BABAM2: variants seen among roughly 807,000 people sequenced by gnomAD.
BABAM2 encodes the protein BRISC and BRCA1 A complex member 2.
In BABAM2, 31 loss-of-function variants were observed where a neutral mutation model predicts 54.7. The observed-to-expected ratio is 0.57, with a 90% confidence interval of 0.43 to 0.77. BABAM2 has a LOEUF of 0.77. BABAM2 is among the 30% of genes least tolerant of loss of function. BABAM2 has a pLI of 0.00. For synonymous variants in BABAM2, 167 were observed against 162.9 expected, an observed-to-expected ratio of 1.03 and a Z score of -0.19; for missense variants, 364 against 455.8, an observed-to-expected ratio of 0.80 and a Z score of 1.83.
intron 6 of BABAM2, among the ~76,000 whole-genome samples, chr2:28,057,110 T>C (rs1678490937): frequency 6.6e-6 from 1 of 152,228 alleles, no homozygotes; most frequent in Non-Finnish European, 1.5e-5. Context: ...TCCTTCTCCA[T>C]CTTCATACTT....
chr2:28,043,289 C>T (rs1321948577), intron 5 of BABAM2, among the ~76,000 whole-genome samples: 1 of 151,804 alleles, frequency 6.6e-6, no homozygotes, highest in Non-Finnish European at 1.5e-5. Context: ...TGCCACCATG[C>T]CTGGCTAATT....
chr2:28,017,283 T>C, intron 4 of BABAM2, among the ~76,000 whole-genome samples: 1 of 152,252 alleles, frequency 6.6e-6, no homozygotes, highest in Admixed American at 6.5e-5. Context: ...TTATCCTTGG[T>C]ATTCTGCAGA....
In BABAM2 at chr2:27,909,121, T is replaced by G. The variant is rs151102944; in HGVS notation, c.128+14437T>G. Among the ~76,000 whole-genome samples, 962 of 152,160 alleles carry G rather than the reference T, an allele frequency of 6.3e-3. 7 individuals are homozygous for G. Among genetic ancestry groups the G allele is most frequent in the Non-Finnish European group, 7.9e-3 (535 of 67,974 alleles). On this transcript the variant is annotated intron_variant, in intron 2 of 11. Coordinates refer to ENST00000379624, the MANE Select transcript of BABAM2 (RefSeq NM_199191.3). ...GCAGTGGGGCAATCACAGCTCACTGTGCAGCCTCCACCTCCTGGGCTCAAG... is the reference window on the plus strand; with the variant it reads ...GCAGTGGGGCAATCACAGCTCACTGGGCAGCCTCCACCTCCTGGGCTCAAG...
intron 11 of BABAM2, among the ~76,000 whole-genome samples, chr2:28,332,283 G>A (rs1228985094): frequency 2.6e-5 from 4 of 152,164 alleles, no homozygotes; most frequent in South Asian, 4.1e-4. Context: ...CGTCCTGCAC[G>A]TGGATCCCGG....
At chr2:28,034,221 A>T (rs1676498667) in intron 5 of BABAM2, among the ~76,000 whole-genome samples, 1 of 152,142 alleles carries the variant, frequency 6.6e-6, no homozygotes, top group African/African-American at 2.4e-5. Context: ...TGTGTTGGAG[A>T]GGGAGAGTGA....
intron 6 of BABAM2, among the ~76,000 whole-genome samples, chr2:28,101,097 C>A (rs938245512): frequency 6.6e-6 from 1 of 152,204 alleles, no homozygotes; most frequent in Non-Finnish European, 1.5e-5. Flanking sequence ...ATTACTGATA[C>A]AGCAGTTTTA....
chr2:28,136,479 G>A (rs1670551456), intron 7 of BABAM2, among the ~76,000 whole-genome samples: 1 of 152,238 alleles, frequency 6.6e-6, no homozygotes, highest in Admixed American at 6.5e-5. Flanking sequence ...GACAGGTCTG[G>A]CTGGAGAGGC....
At chr2:27,922,361 T>C (rs868395290) in intron 2 of BABAM2, among the ~76,000 whole-genome samples, 6 of 152,158 alleles carry the variant, frequency 3.9e-5, no homozygotes, top group Middle Eastern at 6.3e-3. Context: ...CAAATAATAC[T>C]GGGAGTCATG....
intron 4 of BABAM2, among the ~76,000 whole-genome samples, chr2:27,997,006 AG>A (rs1673196910): frequency 6.6e-6 from 1 of 152,178 alleles, no homozygotes; most frequent in Non-Finnish European, 1.5e-5. Flanking sequence ...TTACTTTCAA[AG>A]CAAAAGTACA....
At chr2:28,112,361 C>T (rs1668210631) in intron 6 of BABAM2, among the ~76,000 whole-genome samples, 1 of 151,430 alleles carries the variant, frequency 6.6e-6, no homozygotes. Context: ...TCCCCTAGCC[C>T]CCTACCCCCT....
At chr2:27,902,563 T>C (rs1428313735) in intron 2 of BABAM2, among the ~76,000 whole-genome samples, 1 of 152,234 alleles carries the variant, frequency 6.6e-6, no homozygotes, top group African/African-American at 2.4e-5. Context: ...GTCAAACTTA[T>C]ATTTTTGCCA....
chr2:28,025,529 G>A, intron 5 of BABAM2, 109 bp downstream of exon 5: 1 of 1,083,986 alleles, frequency 9.2e-7, no homozygotes, highest in South Asian at 2.0e-5. Flanking sequence ...ACATGGTCCA[G>A]GTAGCCTATA....
rs565967973 is a variant in BABAM2, at chr2:28,024,382, G to A, written c.301-844G>A. 3.9e-5 allele frequency among the ~76,000 whole-genome samples: 6 copies of A among 151,972 alleles called. No homozygotes were observed. The East Asian group carries it at 1.2e-3, about 29-fold the overall frequency. ...GATCGCACCACTGCACTCCAGCCTG[G>A]GCGACAGAGCGAGACTCCATCTCAA... On this transcript the variant is annotated intron_variant, in intron 4 of 11. Coordinates refer to ENST00000379624, the MANE Select transcript of BABAM2 (RefSeq NM_199191.3).
intron 6 of BABAM2, among the ~76,000 whole-genome samples, chr2:28,099,355 G>A (rs892918176): frequency 1.3e-5 from 2 of 152,070 alleles, no homozygotes; most frequent in East Asian, 3.9e-4. Context: ...ACACCCCGAG[G>A]CCTCTTGGGG....
chr2:28,189,540 A>G (rs942045151), intron 7 of BABAM2, among the ~76,000 whole-genome samples: 2 of 152,218 alleles, frequency 1.3e-5, no homozygotes, highest in Non-Finnish European at 2.9e-5. Flanking sequence ...CATTTAAAAT[A>G]GCATCAAAAA....
intron 10 of BABAM2, among the ~76,000 whole-genome samples, chr2:28,271,730 A>G (rs770338483): frequency 3.3e-5 from 5 of 152,220 alleles, no homozygotes; most frequent in Non-Finnish European, 5.9e-5. Flanking sequence ...GGTTAACAAT[A>G]TGGTACAATA....
intron 3 of BABAM2, among the ~76,000 whole-genome samples, chr2:27,979,636 G>C (rs1671862442): frequency 6.6e-6 from 1 of 151,892 alleles, no homozygotes; most frequent in African/African-American, 2.4e-5. Context: ...GTTATTTTTT[G>C]ACTTTTTAGT....
intron 10 of BABAM2, among the ~76,000 whole-genome samples, chr2:28,274,696 A>G (rs1020423893): frequency 1.4e-4 from 22 of 152,202 alleles, no homozygotes; most frequent in African/African-American, 5.3e-4. Flanking sequence ...GCCCGGTGTT[A>G]GGCACTAGAC....
At chr2:28,296,430 G>GT (rs1252191307) in intron 10 of BABAM2, among the ~76,000 whole-genome samples, 1 of 152,076 alleles carries the variant, frequency 6.6e-6, no homozygotes. Flanking sequence ...TCTGACTGTC[G>GT]TGTGATTCAT....
Sources: gnomAD v4.1 joint callset for allele counts (sites outside exome capture counted in the v4.1 genomes callset) on GRCh38, gnomAD v4.1.1 for gene constraint, MANE v1.5 for transcripts, NCBI Gene and HGNC (gene_info 2026-07-23, HGNC 2026-07-21) for gene names.